Variants in TTC27 observed in about 807,000 individuals in gnomAD.
TTC27 encodes tetratricopeptide repeat domain 27, also known as tetratricopeptide repeat protein 27.
Under a neutral mutation model 115.9 loss-of-function variants are expected in TTC27, and 79 were observed. The observed-to-expected ratio is 0.68, with a 90% CI of 0.57 to 0.82. TTC27 has a LOEUF of 0.82. TTC27 is among the 40% of genes least tolerant of loss of function. TTC27 has a pLI of 0.00. For synonymous variants in TTC27, 401 were observed against 356.0 expected (o/e 1.13, Z -1.42); for missense variants, 1,054 against 993.1 (o/e 1.06, Z -0.82).
rs537012691 is a variant in TTC27, at chr2:32,643,118, C to T, written c.537+2708C>T. On this transcript the variant is annotated intron_variant, in intron 4 of 19. Coordinates refer to ENST00000317907, the MANE Select transcript of TTC27 (RefSeq NM_017735.5). ...CCAAGTAGCTGGGACTACAGGTGTG[C>T]ACCACCATGCCTGGCTAATTGAAGG... is the stretch of plus-strand genomic sequence containing the variant. Among the ~76,000 whole-genome samples the T allele has an allele frequency of 2.0e-5, 3 of 151,942 alleles. No homozygotes were observed. In the South Asian group the frequency reaches 6.2e-4, roughly 32 times the overall value.
intron 7 of TTC27, among the ~76,000 whole-genome samples, chr2:32,668,560 C>CCCTTCCTTCCTTCCTTCCTTCCTT (rs1553547640): frequency 2.1e-3 from 34 of 15,980 alleles, no homozygotes; most frequent in East Asian, 0.015. Flanking sequence ...CTCCCTCCCT[C>CCCTTCCTTCCTTCCTTCCTTCCTT]CCTTCCTTCC....
chr2:32,748,163 G>A (rs1668891989), intron 12 of TTC27, among the ~76,000 whole-genome samples: 1 of 151,832 alleles, frequency 6.6e-6, no homozygotes, highest in South Asian at 2.1e-4. Flanking sequence ...TTTTGGTTTT[G>A]TTAATCTCAA....
intron 15 of TTC27, among the ~76,000 whole-genome samples, chr2:32,784,912 G>GA (rs894734235): frequency 3.2e-4 from 49 of 151,916 alleles, no homozygotes; most frequent in African/African-American, 1.1e-3. Context: ...AGGAAAAAAA[G>GA]AAAAAAATAT....
chr2:32,685,190 C>G lies in TTC27; in HGVS notation c.1119+6268C>G, dbSNP rs139213927. ...GATTACAGGCACGCACCACCATGCCCAGCTAATTTTTGTGTTTTTAGTACA... is the reference window on the plus strand; with the variant it reads ...GATTACAGGCACGCACCACCATGCCGAGCTAATTTTTGTGTTTTTAGTACA... On this transcript the variant is annotated intron_variant, in intron 9 of 19. Coordinates refer to ENST00000317907, the MANE Select transcript of TTC27 (RefSeq NM_017735.5). Among the ~76,000 whole-genome samples the G allele has an allele frequency of 2.0e-3, 302 of 152,028 alleles. 12 individuals carry two copies. In the East Asian group the frequency reaches 0.05, roughly 25 times the overall value.
intron 13 of TTC27, among the ~76,000 whole-genome samples, chr2:32,762,234 G>T (rs1002718287): frequency 2.0e-5 from 3 of 151,794 alleles, no homozygotes; most frequent in Non-Finnish European, 4.4e-5. Context: ...GGCATTCTAG[G>T]CAGGTGAAGA....
chr2:32,741,667 A>AAAG (rs1668649365), intron 12 of TTC27, among the ~76,000 whole-genome samples: 2 of 146,108 alleles, frequency 1.4e-5, no homozygotes, highest in African/African-American at 5.3e-5. Context: ...ACAAAAAACA[A>AAAG]AACAACAACA....
intron 8 of TTC27, among the ~76,000 whole-genome samples, chr2:32,673,423 C>T (rs1243356478): frequency 4.0e-5 from 6 of 151,842 alleles, no homozygotes; most frequent in East Asian, 1.9e-4. Flanking sequence ...GATGGGGTTT[C>T]GCCGTGCTTT....
intron 12 of TTC27, among the ~76,000 whole-genome samples, chr2:32,747,971 C>T (rs1291440201): frequency 1.3e-5 from 2 of 151,614 alleles, no homozygotes; most frequent in Admixed American, 6.6e-5. Flanking sequence ...AATTTATACC[C>T]TAATTTTTAT....
chr2:32,793,243 T>C (rs1375547715), intron 16 of TTC27, among the ~76,000 whole-genome samples: 1 of 152,140 alleles, frequency 6.6e-6, no homozygotes, highest in African/African-American at 2.4e-5. Context: ...AGTGGACTGA[T>C]ATATTCAAAG....
chr2:32,697,202 AAC>A (rs745731479), intron 9 of TTC27, among the ~76,000 whole-genome samples: 7 of 150,288 alleles, frequency 4.7e-5, no homozygotes, highest in Non-Finnish European at 5.9e-5. Context: ...AAAAAAAAAA[AAC>A]AAACAAAAAG....
intron 12 of TTC27, among the ~76,000 whole-genome samples, chr2:32,746,376 A>T (rs1668827146): frequency 6.6e-6 from 1 of 152,010 alleles, no homozygotes; most frequent in Non-Finnish European, 1.5e-5. Flanking sequence ...AGCCTGGCCA[A>T]CATGGTGAAA....
intron 9 of TTC27, among the ~76,000 whole-genome samples, chr2:32,698,456 A>ATTATTATTATTATTATTT (rs908312474): frequency 5.5e-5 from 8 of 146,450 alleles, no homozygotes; most frequent in South Asian, 2.2e-4. Flanking sequence ...TATTATTATT[A>ATTATTATTATTATTATTT]TTTTTTAGCA....
At chr2:32,737,352 A>G in intron 12 of TTC27, among the ~76,000 whole-genome samples, 1 of 152,140 alleles carries the variant, frequency 6.6e-6, no homozygotes, top group East Asian at 1.9e-4. Flanking sequence ...CTCATACATG[A>G]ACAGAATTTT....
intron 13 of TTC27, among the ~76,000 whole-genome samples, chr2:32,760,487 C>T (rs1484135990): frequency 2.0e-5 from 3 of 152,108 alleles, no homozygotes; most frequent in African/African-American, 7.2e-5. Context: ...TAATACACAG[C>T]ACAGCCCCCA....
In TTC27 at chr2:32,787,138, A is replaced by G; in HGVS notation, c.1987A>G (p.Lys663Glu). The G allele has an allele frequency of 6.2e-7, 1 of 1,611,944 alleles. No homozygotes were observed. The highest frequency in any genetic ancestry group is 8.5e-7 in the Non-Finnish European group (1 of 1,179,540). ...GCTCTTGGACTTACGTGACAAATAC[A>G]AAGATGTTCAGGTAGGATATTCCTA... is the stretch of plus-strand genomic sequence containing the variant. ...HRLLDLRDKY[K>E]DVQVLKILVR... is the part of the protein sequence containing the mutation. The change falls in exon 16 of 20, where the codon AAA becomes GAA. Residue 663 changes from lysine (K) to glutamate (E), a missense_variant. Coordinates refer to ENST00000317907, the MANE Select transcript of TTC27 (RefSeq NM_017735.5).
At chr2:32,703,477 T>C (rs1387356950) in intron 10 of TTC27, among the ~76,000 whole-genome samples, 1 of 151,938 alleles carries the variant, frequency 6.6e-6, no homozygotes, top group Non-Finnish European at 1.5e-5. Context: ...CAAATAATAA[T>C]AATAATAATG....
chr2:32,804,121 A>C (rs904798217), intron 16 of TTC27, among the ~76,000 whole-genome samples: 1 of 152,220 alleles, frequency 6.6e-6, no homozygotes, highest in Non-Finnish European at 1.5e-5. Context: ...ACTAATAATG[A>C]AAGAAACATA....
rs769535411 is a variant in TTC27 at position 32,630,688 on chromosome 2, A to G, written c.254A>G (p.Asp85Gly). The change falls in exon 2 of 20, where the codon GAC (aspartate) becomes GGC (glycine). Residue 85 changes from aspartate (D) to glycine (G), a missense_variant. By Grantham distance (94) the Asp-to-Gly change is moderately conservative (BLOSUM62 -1). Coordinates refer to ENST00000317907, the MANE Select transcript of TTC27 (RefSeq NM_017735.5). ...TTCCTGGATTACTCAACAGATTTGG[A>G]CACAACGGAAAGGTAGAATTTTATT... ...VTFLDYSTDLDTTERQQLIFL... is the reference protein window; with the variant it reads ...VTFLDYSTDLGTTERQQLIFL... 1.9e-6 allele frequency: 3 copies of G among 1,607,504 alleles called. No homozygotes were observed. The highest frequency in any genetic ancestry group is 2.7e-5 in the African/African-American group (2 of 74,410).
chr2:32,731,807 G>A (rs1230627861), intron 10 of TTC27, among the ~76,000 whole-genome samples: 1 of 152,154 alleles, frequency 6.6e-6, no homozygotes, highest in Non-Finnish European at 1.5e-5. Context: ...GTATCCGAGA[G>A]TTGTAAGAGA....
Sources: gnomAD v4.1 joint callset for allele counts (sites outside exome capture counted in the v4.1 genomes callset) on GRCh38, gnomAD v4.1.1 for gene constraint, MANE v1.5 for transcripts, NCBI Gene and HGNC (gene_info 2026-07-23, HGNC 2026-07-21) for gene names.